The following NSMCE2 variants were observed in gnomAD, a reference collection of about 807,000 sequenced individuals.
The protein encoded by NSMCE2 is E3 SUMO-protein ligase NSE2.
NSMCE2 carries 24 observed loss-of-function variants against 23.8 expected under a neutral mutation model. That is an observed-to-expected ratio of 1.01 (90% confidence interval 0.73 to 1.42). NSMCE2 has a LOEUF of 1.42. NSMCE2 is among the 40% of genes most tolerant of loss of function. The pLI, the probability that NSMCE2 is intolerant of heterozygous loss-of-function variation, is 0.00. For missense variants in NSMCE2, 284 were observed against 296.5 expected (o/e 0.96, Z 0.31); for synonymous variants, 92 against 94.1 (o/e 0.98, Z 0.13).
intron 5 of NSMCE2, among the ~76,000 whole-genome samples, chr8:125,316,251 A>G (rs1829173714): frequency 6.6e-6 from 1 of 152,260 alleles, no homozygotes; most frequent in Non-Finnish European, 1.5e-5. Flanking sequence ...CACATACTTA[A>G]GAACTCAATT....
At chr8:125,100,010 G>A (rs1439017000) in intron 1 of NSMCE2, among the ~76,000 whole-genome samples, 2 of 152,080 alleles carry the variant, frequency 1.3e-5, no homozygotes, top group Non-Finnish European at 2.9e-5. Flanking sequence ...ATAGGATCTA[G>A]TGGATAATTG....
chr8:125,337,022 C>T (rs917125750), intron 5 of NSMCE2, among the ~76,000 whole-genome samples: 10 of 152,154 alleles, frequency 6.6e-5, no homozygotes, highest in African/African-American at 2.2e-4. Flanking sequence ...ACATAGGCTT[C>T]TTATTGTTTG....
intron 3 of NSMCE2, among the ~76,000 whole-genome samples, chr8:125,124,896 G>A (rs1317449656): frequency 6.6e-6 from 1 of 152,020 alleles, no homozygotes; most frequent in African/African-American, 2.4e-5. Flanking sequence ...CTGGGTTCAA[G>A]CAATTATCCT....
chr8:125,357,373 A>G, intron 6 of NSMCE2, 54 bp downstream of exon 6: 3 of 1,211,066 alleles, frequency 2.5e-6, no homozygotes, highest in Non-Finnish European at 2.5e-6. Flanking sequence ...TCACAGAGGC[A>G]GAAAGGTTCC....
chr8:125,357,816 C>T lies in NSMCE2; in HGVS notation c.624C>T (p.Ala208=), dbSNP rs774528333. The T allele has an allele frequency of 3.7e-6, 6 of 1,607,764 alleles. No homozygotes were observed. In the African/African-American group the frequency reaches 6.7e-5, roughly 18 times the overall value. The change falls in exon 7 of 8, where the codon GCC becomes GCT. Residue 208 remains alanine (A), a splice_region_variant and synonymous_variant. Transcript: ENST00000287437. ...IESRQKRKKK[A]YCPQIGCSHT... is the part of the protein sequence containing the mutation. The stretch of plus-strand genomic sequence containing the variant: ...CCAGGCAAAAGCGGAAGAAAAAGGC[C>T]TAGTGAGTGGACGCAGGGAAGGAAG...
chr8:125,094,594 A>G (rs1817839153), intron 1 of NSMCE2: 1 of 152,234 alleles, frequency 6.6e-6, no homozygotes, highest in African/African-American at 2.4e-5. Context: ...TTCCATTTAT[A>G]CTGGATTGCA....
At chr8:125,291,311 A>C (rs895990663) in intron 5 of NSMCE2, among the ~76,000 whole-genome samples, 7 of 152,230 alleles carry the variant, frequency 4.6e-5, no homozygotes, top group African/African-American at 1.7e-4. Context: ...TTTACATTAG[A>C]GCATGGGTTG....
intron 5 of NSMCE2, among the ~76,000 whole-genome samples, chr8:125,346,239 C>A (rs1830433042): frequency 6.6e-6 from 1 of 151,838 alleles, no homozygotes; most frequent in Admixed American, 6.6e-5. Context: ...AGGCAGAGAG[C>A]TGAATAAAGA....
intron 5 of NSMCE2, among the ~76,000 whole-genome samples, chr8:125,281,299 T>A (rs962161055): frequency 2.0e-5 from 3 of 152,200 alleles, no homozygotes; most frequent in African/African-American, 7.2e-5. Flanking sequence ...CATTCTAGTT[T>A]TGGAGACAAA....
chr8:125,351,914 G>A (rs1202470492), intron 5 of NSMCE2, among the ~76,000 whole-genome samples: 1 of 152,124 alleles, frequency 6.6e-6, no homozygotes, highest in Non-Finnish European at 1.5e-5. Flanking sequence ...TTGGGAGACT[G>A]AGGCACGAGA....
intron 4 of NSMCE2, among the ~76,000 whole-genome samples, chr8:125,158,289 A>G (rs974257503): frequency 5.3e-5 from 8 of 152,116 alleles, no homozygotes; most frequent in Admixed American, 1.3e-4. Context: ...CATTACTCCA[A>G]CAGTGAGGAA....
intron 5 of NSMCE2, among the ~76,000 whole-genome samples, chr8:125,219,460 C>G (rs1824750253): frequency 6.6e-6 from 1 of 152,032 alleles, no homozygotes; most frequent in Non-Finnish European, 1.5e-5. Context: ...GAGTCATTTA[C>G]TGCTGCTGCT....
At chr8:125,286,979 A>T (rs1481206186) in intron 5 of NSMCE2, among the ~76,000 whole-genome samples, 1 of 152,164 alleles carries the variant, frequency 6.6e-6, no homozygotes, top group Non-Finnish European at 1.5e-5. Context: ...ATCTCACTGT[A>T]ACGTGCCTCC....
intron 5 of NSMCE2, among the ~76,000 whole-genome samples, chr8:125,356,687 T>C (rs931662724): frequency 6.6e-6 from 1 of 152,218 alleles, no homozygotes; most frequent in Non-Finnish European, 1.5e-5. Flanking sequence ...ATGTTAAATA[T>C]TGATAAATAT....
At chr8:125,323,859 A>C (rs1829544888) in intron 5 of NSMCE2, among the ~76,000 whole-genome samples, 1 of 152,230 alleles carries the variant, frequency 6.6e-6, no homozygotes, top group East Asian at 1.9e-4. Context: ...AGGAGAATGA[A>C]AGGCCAAGTG....
At chr8:125,194,453 A>G (rs112548632) in intron 5 of NSMCE2, among the ~76,000 whole-genome samples, 2 of 152,258 alleles carry the variant, frequency 1.3e-5, no homozygotes, top group African/African-American at 4.8e-5. Flanking sequence ...GCTGAGTAGT[A>G]TCTCATCGCA....
intron 3 of NSMCE2, among the ~76,000 whole-genome samples, chr8:125,149,066 T>C (rs956262620): frequency 3.3e-5 from 5 of 152,198 alleles, no homozygotes; most frequent in Non-Finnish European, 7.4e-5. Flanking sequence ...GTGACTCTAA[T>C]AGTCTAACAA....
intron 3 of NSMCE2, among the ~76,000 whole-genome samples, chr8:125,115,502 G>A (rs936928102): frequency 7.2e-5 from 11 of 152,188 alleles, no homozygotes; most frequent in Non-Finnish European, 1.5e-4. Flanking sequence ...TGTAATCCCA[G>A]CACTTTGGAA....
At chr8:125,337,204 A>G (rs936080990) in intron 5 of NSMCE2, among the ~76,000 whole-genome samples, 4 of 152,220 alleles carry the variant, frequency 2.6e-5, no homozygotes, top group African/African-American at 9.6e-5. Flanking sequence ...CACAGTAAGA[A>G]GTCTGTTTCC....
Sources: allele counts gnomAD v4.1 joint callset (sites outside exome capture counted in the v4.1 genomes callset), GRCh38; gene constraint gnomAD v4.1.1; transcripts MANE v1.5; gene names NCBI Gene and HGNC (gene_info 2026-07-23, HGNC 2026-07-21).